ATP5PB: variants seen among roughly 807,000 people sequenced by gnomAD.
ATP5PB encodes the protein ATP synthase peripheral stalk-membrane subunit b.
Under a neutral mutation model 34.5 loss-of-function variants are expected in ATP5PB, and 21 were observed. The observed-to-expected ratio is 0.61, with a 90% confidence interval of 0.43 to 0.88. The LOEUF (loss-of-function observed/expected upper bound fraction) is 0.88, where lower values mean the gene tolerates loss of function less well. ATP5PB is among the 40% of genes least tolerant of loss of function. The pLI, the probability that ATP5PB is intolerant of heterozygous loss-of-function variation, is 0.00. For missense variants in ATP5PB, 293 were observed against 317.4 expected, an observed-to-expected ratio of 0.92 and a Z score of 0.58; for synonymous variants, 108 against 114.1, an observed-to-expected ratio of 0.95 and a Z score of 0.34.
At chr1:111,449,700 A>C (rs1389606577) in intron 1 of ATP5PB, 119 bp downstream of exon 1, 1 of 1,552,676 alleles carries the variant, frequency 6.4e-7, no homozygotes, top group African/African-American at 1.4e-5. Flanking sequence ...TGGTCAGTGC[A>C]GTTCGGAAGG....
At position 111,450,430 on chromosome 1, in the gene ATP5PB, G is replaced by A. The variant is rs1290917931; in HGVS notation, c.77+557G>A. Among the ~76,000 whole-genome samples the A allele has an allele frequency of 3.3e-5, 5 of 152,218 alleles. No individual in the cohort carries two copies. The East Asian group carries it at 9.6e-4, about 29-fold the overall frequency. On this transcript the variant is annotated intron_variant, in intron 2 of 6. Coordinates refer to ENST00000369722, the MANE Select transcript of ATP5PB (RefSeq NM_001688.5). ...TCTAGGAATGGGAGGCACCTTAAGA[G>A]TATTGGTTTAGAGTGAGGGCTCCAC...
Position 111,461,076 on chromosome 1 carries a change from T to A in ATP5PB, c.*82T>A. ...GTCTATTTGACAAAGTCTTTCTGTG[T>A]TGGTGTCTACTGAAGTTATAGTTTA... On this transcript the variant is annotated 3_prime_UTR_variant, in exon 7 of 7. Transcript: ENST00000369722. 7.6e-7 allele frequency: 1 copy of A among 1,317,270 alleles called. No individual in the cohort carries two copies. The highest frequency in any genetic ancestry group is 1.1e-6 in the Non-Finnish European group (1 of 928,612). 81.6% of individuals were successfully genotyped at this position (1,317,270 alleles called of 1,614,324 possible).
intron 2 of ATP5PB, among the ~76,000 whole-genome samples, chr1:111,451,881 A>G (rs1478260302): frequency 6.6e-6 from 1 of 152,218 alleles, no homozygotes; most frequent in East Asian, 1.9e-4. Flanking sequence ...AGGCCAAGGC[A>G]GGAGGATCAC....
At position 111,454,364 on chromosome 1, in the gene ATP5PB, T is replaced by C. The variant is rs1410469179; in HGVS notation, c.223+8T>C. On this transcript the variant is annotated splice_region_variant and intron_variant, in intron 3 of 6. Coordinates refer to ENST00000369722, the MANE Select transcript of ATP5PB (RefSeq NM_001688.5). Reference sequence around the variant, plus strand: ...CTAAAACTGGTGTAACAGGTGAGCATTTTTGCCTAGTCTCTGGTAATATGT... The same window carrying C: ...CTAAAACTGGTGTAACAGGTGAGCACTTTTGCCTAGTCTCTGGTAATATGT... 3 of 1,588,502 alleles carry C rather than the reference T, an allele frequency of 1.9e-6. No individual in the cohort carries two copies. Among genetic ancestry groups the C allele is most frequent in the Non-Finnish European group, 2.6e-6 (3 of 1,170,244 alleles).
At position 111,461,086 on chromosome 1, in the gene ATP5PB, C is replaced by T. The variant is rs1296472035; in HGVS notation, c.*92C>T. The T allele has an allele frequency of 1.1e-5, 13 of 1,205,128 alleles. No homozygotes were observed. The Admixed American group carries it at 1.2e-4, about 11-fold the overall frequency. The allele number at this position is 1,205,128 out of a possible 1,614,324, so 74.7% of individuals were successfully genotyped here. A position where few individuals can be genotyped will look rare whatever the true frequency, so the allele number is the denominator to read the frequency against. Reference sequence around the variant, plus strand: ...CAAAGTCTTTCTGTGTTGGTGTCTACTGAAGTTATAGTTTACCCTTCCTAA... The same window carrying T: ...CAAAGTCTTTCTGTGTTGGTGTCTATTGAAGTTATAGTTTACCCTTCCTAA... On this transcript the variant is annotated 3_prime_UTR_variant, in exon 7 of 7. Transcript: ENST00000369722.
intron 3 of ATP5PB, 82 bp from the exon 4 acceptor site, chr1:111,456,004 A>C (rs1020517787): frequency 3.8e-5 from 47 of 1,229,216 alleles, no homozygotes; most frequent in Admixed American, 3.6e-4. Context: ...GCCTTCAGCT[A>C]ATCAAATATA....
At position 111,454,325 on chromosome 1, in the gene ATP5PB, C is replaced by G; in HGVS notation, c.192C>G (p.Phe64Leu). Residue 64 changes from phenylalanine (F) to leucine (L), a missense_variant, in exon 3 of 7, where the codon TTC becomes TTG. Phe to Leu is a conservative substitution (Grantham distance 22). Transcript: ENST00000369722. Reference protein sequence around the residue: ...VRYGLIPEEFFQFLYPKTGVT... With the variant: ...VRYGLIPEEFLQFLYPKTGVT... ...ATGGACTGATCCCTGAGGAATTCTT[C>G]CAGTTTCTTTATCCTAAAACTGGTG... 6.2e-7 allele frequency: 1 copy of G among 1,609,724 alleles called. No homozygotes were observed. Among genetic ancestry groups the G allele is most frequent in the East Asian group, 2.2e-5 (1 of 44,564 alleles).
chr1:111,459,610 G>A lies in ATP5PB; in HGVS notation c.667G>A (p.Val223Met), dbSNP rs146878380. 12 of 1,613,898 alleles carry A rather than the reference G, an allele frequency of 7.4e-6. No individual in the cohort carries two copies. Among genetic ancestry groups the A allele is most frequent in the East Asian group, 6.7e-5 (3 of 44,882 alleles). The part of the protein sequence containing the change: ...EHMINWVEKH[V>M]VQSISTQQEK... Reference sequence around the variant, plus strand: ...CATGATAAATTGGGTGGAGAAGCACGTGGTGCAAAGCATCTCCACACAGCA... The same window carrying A: ...CATGATAAATTGGGTGGAGAAGCACATGGTGCAAAGCATCTCCACACAGCA... Residue 223 changes from valine to methionine, a missense_variant, in exon 6 of 7, where the codon GTG becomes ATG. Val to Met is a conservative substitution (Grantham distance 21). Transcript: ENST00000369722.
At chr1:111,451,474 C>A (rs532445308) in intron 2 of ATP5PB, among the ~76,000 whole-genome samples, 8 of 152,084 alleles carry the variant, frequency 5.3e-5, no homozygotes, top group Non-Finnish European at 1.0e-4. Context: ...GATACACACT[C>A]ACCCTTCCCA....
At chr1:111,451,967 A>G (rs1653347679) in intron 2 of ATP5PB, among the ~76,000 whole-genome samples, 2 of 152,140 alleles carry the variant, frequency 1.3e-5, no homozygotes, top group South Asian at 4.1e-4. Flanking sequence ...AAAATTTTTT[A>G]AATTAGCTGG....
chr1:111,449,678 C>T, intron 1 of ATP5PB, 97 bp downstream of exon 1: 2 of 1,548,720 alleles, frequency 1.3e-6, no homozygotes, highest in African/African-American at 1.4e-5. Flanking sequence ...CGACACGGGC[C>T]TGAGAGGCGA....
intron 1 of ATP5PB, 84 bp from the exon 2 acceptor site, chr1:111,449,753 T>A (rs1653253804): frequency 6.2e-7 from 1 of 1,600,814 alleles, no homozygotes; most frequent in East Asian, 2.2e-5. Flanking sequence ...GTACATAGGC[T>A]TAGTGATAGA....
rs1011016238 is a variant in ATP5PB at position 111,449,595 on chromosome 1, A to G, written c.40+14A>G. 14 of 1,596,488 alleles carry G rather than the reference A, an allele frequency of 8.8e-6. No homozygotes were observed. Among genetic ancestry groups the G allele is most frequent in the Non-Finnish European group, 1.1e-5 (13 of 1,170,694 alleles). ...CCGCCACAGCGGGTAAGGGGTATAG[A>G]CCCTGCTCTGGACTATCAGAGTGAT... is the stretch of plus-strand genomic sequence containing the variant. On this transcript the variant is annotated intron_variant, in intron 1 of 6. Transcript: ENST00000369722.
At chr1:111,460,545 A>G (rs1653592506) in intron 6 of ATP5PB, among the ~76,000 whole-genome samples, 1 of 151,976 alleles carries the variant, frequency 6.6e-6, no homozygotes, top group South Asian at 2.1e-4. Context: ...AATTATTTTC[A>G]TTCTTAACAT....
At position 111,459,515 on chromosome 1, in the gene ATP5PB, A is replaced by T. The variant is rs1000641090; in HGVS notation, c.572A>T (p.Lys191Met). 1.2e-6 allele frequency: 2 copies of T among 1,613,982 alleles called. No individual in the cohort carries two copies. Among genetic ancestry groups the T allele is most frequent in the Admixed American group, 3.3e-5 (2 of 60,016 alleles). Residue 191 changes from lysine to methionine, a missense_variant, in exon 6 of 7, where the codon AAG (lysine) becomes ATG (methionine). By Grantham distance (95) the Lys-to-Met change is moderately conservative. Transcript: ENST00000369722. ...CGGGAACGACTGTATAGAGTATATAAGGAAGTAAAGAATCGCCTGGACTAT... is the reference window on the plus strand; with the variant it reads ...CGGGAACGACTGTATAGAGTATATATGGAAGTAAAGAATCGCCTGGACTAT... The part of the protein sequence containing the change: ...TYRERLYRVY[K>M]EVKNRLDYHI...
intron 2 of ATP5PB, among the ~76,000 whole-genome samples, chr1:111,451,402 A>C (rs893802350): frequency 9.2e-5 from 14 of 151,998 alleles, no homozygotes; most frequent in African/African-American, 2.7e-4. Context: ...GTTGCTCCCT[A>C]TCCGCTTACC....
At chr1:111,451,955 T>A (rs981590127) in intron 2 of ATP5PB, among the ~76,000 whole-genome samples, 12 of 152,164 alleles carry the variant, frequency 7.9e-5, no homozygotes, top group South Asian at 2.1e-4. Flanking sequence ...CAAAAATTTT[T>A]AAAAATTTTT....
intron 2 of ATP5PB, among the ~76,000 whole-genome samples, chr1:111,452,776 G>T (rs1306780952): frequency 6.6e-6 from 1 of 152,030 alleles, no homozygotes; most frequent in Non-Finnish European, 1.5e-5. Context: ...ATATTTTTCA[G>T]TGTTACCATA....
chr1:111,454,508 G>C, intron 3 of ATP5PB, 152 bp downstream of exon 3: 1 of 1,026,688 alleles, frequency 9.7e-7, no homozygotes. Context: ...CCAGGATGGA[G>C]TGATAGATCA....
Sources: allele counts gnomAD v4.1 joint callset (sites outside exome capture counted in the v4.1 genomes callset), GRCh38; gene constraint gnomAD v4.1.1; transcripts MANE v1.5; gene names NCBI Gene and HGNC (gene_info 2026-07-23, HGNC 2026-07-21).